The following AUTS2 variants were observed in gnomAD, a reference collection of about 807,000 sequenced individuals.
AUTS2 encodes the protein activator of transcription and developmental regulator AUTS2.
AUTS2 carries 17 observed loss-of-function variants against 112.4 expected under a neutral mutation model. That is an observed-to-expected ratio of 0.15 (90% CI 0.10 to 0.23). AUTS2 has a LOEUF of 0.23. Among genes scored for constraint, AUTS2 ranks in the 10% least tolerant of loss-of-function variants. The pLI, the probability that AUTS2 is intolerant of heterozygous loss-of-function variation, is 1.00. For missense variants in AUTS2, 1,510 were observed against 1,701.6 expected, an observed-to-expected ratio of 0.89 and a Z score of 1.98; for synonymous variants, 751 against 702.7, an observed-to-expected ratio of 1.07 and a Z score of -1.09.
chr7:70,763,954 T>C (rs1440582539), intron 7 of AUTS2, among the ~76,000 whole-genome samples: 1 of 152,092 alleles, frequency 6.6e-6, no homozygotes, highest in Non-Finnish European at 1.5e-5. Flanking sequence ...TTTGCCAAGT[T>C]ACAAAGAAGC....
chr7:69,860,155 A>G (rs552778453), intron 1 of AUTS2, among the ~76,000 whole-genome samples: 2 of 152,118 alleles, frequency 1.3e-5, no homozygotes, highest in Non-Finnish European at 2.9e-5. Context: ...CTTGACCCTA[A>G]CTATCAGGTT....
chr7:69,747,179 C>G (rs1026106465), intron 1 of AUTS2, among the ~76,000 whole-genome samples: 2 of 152,210 alleles, frequency 1.3e-5, no homozygotes, highest in Non-Finnish European at 2.9e-5. Context: ...GCATTATTTA[C>G]AAATGTCAAG....
intron 3 of AUTS2, among the ~76,000 whole-genome samples, chr7:70,129,732 G>C (rs1162051840): frequency 6.6e-6 from 1 of 152,178 alleles, no homozygotes; most frequent in African/African-American, 2.4e-5. Context: ...AGGCTGAGAT[G>C]AGAGTTGGTG....
At chr7:70,658,040 G>A (rs558566084) in intron 5 of AUTS2, among the ~76,000 whole-genome samples, 10 of 152,226 alleles carry the variant, frequency 6.6e-5, no homozygotes, top group East Asian at 1.9e-4. Flanking sequence ...AAGGAAAACC[G>A]TGTAAGTCAT....
At position 70,118,186 on chromosome 7, in the gene AUTS2, G is replaced by A. The variant is rs1229542823; in HGVS notation, c.577G>A (p.Glu193Lys). 6.2e-7 allele frequency: 1 copy of A among 1,605,146 alleles called. No homozygotes were observed. The highest frequency in any genetic ancestry group is 1.1e-5 in the South Asian group (1 of 90,622). The stretch of plus-strand genomic sequence containing the variant: ...CAGTGACAGTGAAAGTGCCAGTGGA[G>A]AATCCAAGGGCTTCCACCGGAGCAG... ...RDSDSESASG[E>K]SKGFHRSSSR... The change falls in exon 3 of 19, where the codon GAA (glutamate) becomes AAA (lysine). Residue 193 changes from glutamate (E) to lysine (K), a missense_variant. By Grantham distance (56) the Glu-to-Lys change is moderately conservative. This residue lies in a region of AUTS2 where 535 missense variants were observed against 594.3 expected (regional missense o/e 0.90). Coordinates refer to ENST00000342771, the MANE Select transcript of AUTS2 (RefSeq NM_015570.4).
intron 5 of AUTS2, among the ~76,000 whole-genome samples, chr7:70,453,136 G>C (rs1796598019): frequency 6.6e-6 from 1 of 150,826 alleles, no homozygotes. Context: ...CCTAATGTGT[G>C]CTTCAGGATA....
intron 3 of AUTS2, 38 bp downstream of exon 3, chr7:70,118,271 A>G: frequency 6.6e-7 from 1 of 1,512,236 alleles, no homozygotes; most frequent in Non-Finnish European, 8.8e-7. Context: ...AAAAAAATTA[A>G]CGAAAACCAC....
intron 1 of AUTS2, among the ~76,000 whole-genome samples, chr7:69,755,876 G>A (rs748405868): frequency 3.9e-5 from 6 of 152,108 alleles, no homozygotes; most frequent in Admixed American, 6.6e-5. Flanking sequence ...GGGAGTGAAG[G>A]CCATGGACTG....
chr7:70,490,014 A>G (rs551747998), intron 5 of AUTS2, among the ~76,000 whole-genome samples: 164 of 152,344 alleles, frequency 1.1e-3, no homozygotes, highest in Non-Finnish European at 1.9e-3. Context: ...AGCCAAAGCA[A>G]TTCCTCAGAG....
intron 4 of AUTS2, among the ~76,000 whole-genome samples, chr7:70,285,236 A>G (rs1490373798): frequency 6.6e-6 from 1 of 152,204 alleles, no homozygotes; most frequent in Non-Finnish European, 1.5e-5. Context: ...TGCCTATACC[A>G]TGTAATCTTC....
At chr7:70,370,754 C>A (rs1314128597) in intron 4 of AUTS2, among the ~76,000 whole-genome samples, 1 of 152,096 alleles carries the variant, frequency 6.6e-6, no homozygotes, top group East Asian at 1.9e-4. Context: ...ATTGCCAGAC[C>A]ATTTGCTACA....
chr7:70,150,668 T>C (rs2129576209), intron 4 of AUTS2, among the ~76,000 whole-genome samples: 1 of 152,344 alleles, frequency 6.6e-6, no homozygotes, highest in East Asian at 1.9e-4. Flanking sequence ...TTCATTCTCA[T>C]TGATAAATTC....
intron 2 of AUTS2, among the ~76,000 whole-genome samples, chr7:69,954,435 C>T (rs1320000755): frequency 2.0e-5 from 3 of 152,084 alleles, no homozygotes; most frequent in Non-Finnish European, 2.9e-5. Context: ...GTATATACCG[C>T]CATGCCTGGC....
chr7:70,761,981 G>A (rs1789591889), intron 6 of AUTS2, among the ~76,000 whole-genome samples: 1 of 152,152 alleles, frequency 6.6e-6, no homozygotes, highest in African/African-American at 2.4e-5. Context: ...GCTGGGATCA[G>A]GTGACGGGCA....
At chr7:70,651,307 G>T (rs900494405) in intron 5 of AUTS2, among the ~76,000 whole-genome samples, 65 of 152,254 alleles carry the variant, frequency 4.3e-4, no homozygotes, top group African/African-American at 1.5e-3. Flanking sequence ...CCCCTCTCTG[G>T]TGCTCAGCCT....
chr7:70,256,585 C>A (rs143886789), intron 4 of AUTS2, among the ~76,000 whole-genome samples: 1 of 152,308 alleles, frequency 6.6e-6, no homozygotes, highest in Non-Finnish European at 1.5e-5. Flanking sequence ...GCCCCAGAGT[C>A]CTGCAAGTTG....
chr7:69,814,025 G>A (rs924507730), intron 1 of AUTS2, among the ~76,000 whole-genome samples: 19 of 152,196 alleles, frequency 1.2e-4, no homozygotes, highest in African/African-American at 4.6e-4. Context: ...GGCCTTGCCA[G>A]CAAGTGTGGT....
intron 4 of AUTS2, among the ~76,000 whole-genome samples, chr7:70,367,136 A>G (rs979434042): frequency 1.3e-5 from 2 of 152,138 alleles, no homozygotes; most frequent in Non-Finnish European, 2.9e-5. Flanking sequence ...AAGTATAAAA[A>G]TTAGCCGGGT....
At position 70,766,247 on chromosome 7, in the gene AUTS2, CCACCAGCACACG is replaced by C; in HGVS notation, c.1614_1625del (p.His539_Thr542del). 2 of 1,614,028 alleles carry C rather than the reference CCACCAGCACACG, an allele frequency of 1.2e-6. No individual in the cohort carries two copies. Among genetic ancestry groups the C allele is most frequent in the South Asian group, 1.1e-5 (1 of 91,062 alleles). ...AGCACCAGCACCAGCACCAGCACACCCACCAGCACACGCACCAGCACACCTTCACGCCGTTCC... is the reference window on the plus strand; with the variant it reads ...AGCACCAGCACCAGCACCAGCACACCCACCAGCACACCTTCACGCCGTTCC... On this transcript the variant is annotated inframe_deletion, in exon 9 of 19. Transcript: ENST00000342771. This position sits in a 1 kb window ranked among gnomAD's most constrained non-coding sequence, Gnocchi z 4.8.
Sources: allele counts gnomAD v4.1 joint callset (sites outside exome capture counted in the v4.1 genomes callset), GRCh38; gene constraint gnomAD v4.1.1; regional missense constraint gnomAD v4.1.1; non-coding constraint Gnocchi (gnomAD v3.1); transcripts MANE v1.5; gene names NCBI Gene and HGNC (gene_info 2026-07-23, HGNC 2026-07-21).